Variants in ADCY1 observed in about 807,000 individuals in gnomAD.
ADCY1 encodes adenylate cyclase 1, also known as adenylate cyclase type 1.
In ADCY1, 28 loss-of-function variants were observed where a neutral mutation model predicts 105.4. That is an observed-to-expected ratio of 0.27 (90% CI 0.20 to 0.36). The LOEUF (loss-of-function observed/expected upper bound fraction) is 0.36. ADCY1 is among the 10% of genes least tolerant of loss of function. The pLI is 1.00. For missense variants in ADCY1, 977 were observed against 1,434.2 expected, an observed-to-expected ratio of 0.68 and a Z score of 5.15; for synonymous variants, 655 against 623.8, an observed-to-expected ratio of 1.05 and a Z score of -0.75.
chr7:45,674,499 G>C (rs936754282), intron 8 of ADCY1, among the ~76,000 whole-genome samples: 1 of 151,882 alleles, frequency 6.6e-6, no homozygotes, highest in Non-Finnish European at 1.5e-5. Flanking sequence ...TCACCCTCTC[G>C]AGTAGCTGGG....
At position 45,592,753 on chromosome 7, in the gene ADCY1, C is replaced by T. The variant is rs1262255168; in HGVS notation, c.640-6C>T. The T allele has an allele frequency of 1.2e-6, 2 of 1,614,042 alleles. No homozygotes were observed. Among genetic ancestry groups the T allele is most frequent in the East Asian group, 2.2e-5 (1 of 44,896 alleles). On this transcript the variant is annotated splice_polypyrimidine_tract_variant and splice_region_variant and intron_variant, in intron 1 of 19. Coordinates refer to ENST00000297323, the MANE Select transcript of ADCY1 (RefSeq NM_021116.4). ...CTCCACATGTTGCCTCCTTCTCTCC[C>T]TGCAGCTCGGTGCCAATGCCTTGCT...
intron 7 of ADCY1, 133 bp downstream of exon 7, chr7:45,660,316 A>C: frequency 7.7e-7 from 1 of 1,296,574 alleles, no homozygotes; most frequent in Non-Finnish European, 1.1e-6. Flanking sequence ...AGATGGGGAG[A>C]GTTGTCCCCA....
chr7:45,664,271 C>A, intron 8 of ADCY1: 1 of 1,535,732 alleles, frequency 6.5e-7, no homozygotes, highest in Non-Finnish European at 8.7e-7. Flanking sequence ...CCCCACACAT[C>A]TGATGCCTCT....
intron 1 of ADCY1, among the ~76,000 whole-genome samples, chr7:45,580,054 A>G (rs1792483110): frequency 1.3e-5 from 2 of 151,068 alleles, no homozygotes; most frequent in South Asian, 2.1e-4. Context: ...CCTCAAGGGC[A>G]GTTAACTTTA....
intron 3 of ADCY1, among the ~76,000 whole-genome samples, chr7:45,610,844 GCGATATTGGAGTTGTGGAGA>G (rs1584268448): frequency 2.3e-4 from 34 of 144,734 alleles, no homozygotes; most frequent in Middle Eastern, 3.5e-3. Context: ...AGGTGTGGAG[GCGATATTGGAGTTGTGGAGA>G]TGATGGTGGA....
Position 45,686,511 on chromosome 7 carries a change from G to A in ADCY1, c.2328-36G>A. On this transcript the variant is annotated intron_variant, in intron 13 of 19. Coordinates refer to ENST00000297323, the MANE Select transcript of ADCY1 (RefSeq NM_021116.4). This position sits in a 1 kb window ranked among gnomAD's most constrained non-coding sequence, Gnocchi z 4.3. ...GGCAGAGTCTTGCCCTGGAAGCTCGGCACTGACTTGGCTTTTCTTCCTCAT... is the reference window on the plus strand; with the variant it reads ...GGCAGAGTCTTGCCCTGGAAGCTCGACACTGACTTGGCTTTTCTTCCTCAT... 1.9e-6 allele frequency: 3 copies of A among 1,588,888 alleles called. No individual in the cohort carries two copies. Among genetic ancestry groups the A allele is most frequent in the Non-Finnish European group, 2.6e-6 (3 of 1,165,632 alleles).
At chr7:45,631,337 T>C (rs1199136462) in intron 4 of ADCY1, among the ~76,000 whole-genome samples, 1 of 152,242 alleles carries the variant, frequency 6.6e-6, no homozygotes, top group Non-Finnish European at 1.5e-5. Flanking sequence ...TTGTCCTTAT[T>C]AGCATTATAA....
At chr7:45,643,413 A>G (rs1223863215) in intron 4 of ADCY1, among the ~76,000 whole-genome samples, 1 of 152,084 alleles carries the variant, frequency 6.6e-6, no homozygotes, top group African/African-American at 2.4e-5. Flanking sequence ...TCATCTTTCC[A>G]TATATAGTAG....
chr7:45,633,106 CG>C (rs1794304641), intron 4 of ADCY1, among the ~76,000 whole-genome samples: 1 of 152,076 alleles, frequency 6.6e-6, no homozygotes. Context: ...TTGGTAGAGA[CG>C]AGGTTTCACC....
chr7:45,575,935 T>C lies in ADCY1; in HGVS notation c.639+753T>C, dbSNP rs1021255461. Among the ~76,000 whole-genome samples the C allele has an allele frequency of 2.0e-5, 3 of 152,250 alleles. No homozygotes were observed. Among genetic ancestry groups the C allele is most frequent in the African/African-American group, 7.2e-5 (3 of 41,478 alleles). On this transcript the variant is annotated intron_variant, in intron 1 of 19. Transcript: ENST00000297323. The surrounding 1 kb of genome is among the most constrained non-coding windows in gnomAD (Gnocchi z 4.7). ...CTTCCTGGGCCCTGGAGGAGCCTGC[T>C]CTTCCAACTGCCCGGAGGTGGACGT...
chr7:45,670,528 C>T lies in ADCY1; in HGVS notation c.1606-7341C>T, dbSNP rs551026869. Among the ~76,000 whole-genome samples the T allele has an allele frequency of 1.1e-4, 16 of 152,070 alleles. No individual in the cohort carries two copies. The South Asian group carries it at 2.7e-3, about 26-fold the overall frequency. On this transcript the variant is annotated intron_variant, in intron 8 of 19. Transcript: ENST00000297323. ...AAAATGGACCTGTGTTCATCAGCCCCGACCACAGGGAGGATCTGTATGCCT... is the reference window on the plus strand; with the variant it reads ...AAAATGGACCTGTGTTCATCAGCCCTGACCACAGGGAGGATCTGTATGCCT...
chr7:45,622,251 GA>G (rs1474907192), intron 3 of ADCY1, among the ~76,000 whole-genome samples: 1 of 152,140 alleles, frequency 6.6e-6, no homozygotes, highest in African/African-American at 2.4e-5. Flanking sequence ...CCCACATGCT[GA>G]AAAGCACATC....
intron 8 of ADCY1, among the ~76,000 whole-genome samples, chr7:45,666,236 T>G (rs902867044): frequency 2.6e-5 from 4 of 152,196 alleles, no homozygotes; most frequent in African/African-American, 9.7e-5. Context: ...GCTGCACCCA[T>G]TAACTCGTCA....
intron 1 of ADCY1, among the ~76,000 whole-genome samples, chr7:45,583,768 G>A (rs900491192): frequency 2.6e-5 from 4 of 151,948 alleles, no homozygotes; most frequent in Non-Finnish European, 5.9e-5. Context: ...AGCCTCCTGA[G>A]TAGCTGGGAT....
intron 5 of ADCY1, among the ~76,000 whole-genome samples, chr7:45,656,136 A>AT (rs1428186629): frequency 6.6e-6 from 1 of 151,680 alleles, no homozygotes; most frequent in Non-Finnish European, 1.5e-5. Context: ...AAATACAAAA[A>AT]AAAAATAAAA....
At chr7:45,679,080 T>A (rs866610621) in intron 10 of ADCY1, among the ~76,000 whole-genome samples, 2 of 152,202 alleles carry the variant, frequency 1.3e-5, no homozygotes, top group Non-Finnish European at 2.9e-5. Flanking sequence ...ATTTTATTTT[T>A]TTTGCAAGAA....
chr7:45,607,234 C>T (rs368830890), intron 2 of ADCY1, among the ~76,000 whole-genome samples: 159 of 152,192 alleles, frequency 1.0e-3, no homozygotes, highest in African/African-American at 3.3e-3. Context: ...TTTTGTCTTA[C>T]GTATACATTC....
Position 45,715,167 on chromosome 7 carries a change from A to G in ADCY1, c.*1172A>G, listed in dbSNP as rs1279665891. On this transcript the variant is annotated 3_prime_UTR_variant, in exon 20 of 20. Transcript: ENST00000297323. ...AAATAGTCACAATGAAGATGAAAAT[A>G]AGGATGATGGGGACGGGGTCCAGGA... 6.6e-6 allele frequency: 1 copy of G among 152,308 alleles called. No homozygotes were observed. The highest frequency in any genetic ancestry group is 1.5e-5 in the Non-Finnish European group (1 of 68,106). The allele number at this position is 152,308 out of a possible 1,614,324, so 9.4% of individuals were successfully genotyped here.
chr7:45,667,091 T>C (rs1354837915), intron 8 of ADCY1, among the ~76,000 whole-genome samples: 5 of 152,260 alleles, frequency 3.3e-5, no homozygotes, highest in African/African-American at 1.2e-4. Context: ...CTGTTCACTC[T>C]ACTGGTAGTT....
Sources: allele counts gnomAD v4.1 joint callset (sites outside exome capture counted in the v4.1 genomes callset), GRCh38; gene constraint gnomAD v4.1.1; non-coding constraint Gnocchi (gnomAD v3.1); transcripts MANE v1.5; gene names NCBI Gene and HGNC (gene_info 2026-07-23, HGNC 2026-07-21).